Variants in PDE10A observed in about 807,000 individuals in gnomAD.
The protein encoded by PDE10A is cAMP and cAMP-inhibited cGMP 3',5'-cyclic phosphodiesterase 10A.
In PDE10A, 39 loss-of-function variants were observed where a neutral mutation model predicts 97.7. The ratio of observed to expected loss-of-function variants is 0.40; its 90% CI spans 0.31 to 0.52. The LOEUF is 0.52. Ranked by LOEUF, PDE10A falls within the 20% of genes least tolerant of loss-of-function variation. The probability of loss-of-function intolerance (pLI) is 0.56; values close to 1 mark genes in which losing one functional copy is unlikely to be tolerated. For synonymous variants in PDE10A, 371 were observed against 376.8 expected (o/e 0.98, Z 0.18); for missense variants, 731 against 1,047.8 (o/e 0.70, Z 4.17).
At chr6:165,436,204 T>C (rs901268097) in intron 5 of PDE10A, among the ~76,000 whole-genome samples, 1 of 152,200 alleles carries the variant, frequency 6.6e-6, no homozygotes, top group Admixed American at 6.5e-5. Context: ...ATTTTTATCT[T>C]ATGTTGGATT....
chr6:165,788,477 C>T (rs2128463033), intron 1 of PDE10A, among the ~76,000 whole-genome samples: 1 of 123,646 alleles, frequency 8.1e-6, no homozygotes, highest in Middle Eastern at 6.8e-3. Flanking sequence ...GAGATCACAC[C>T]ATTGCACTCC....
intron 1 of PDE10A, among the ~76,000 whole-genome samples, chr6:165,902,579 C>T (rs12203000): frequency 0.034 from 5,096 of 152,008 alleles, 118 homozygotes; most frequent in Non-Finnish European, 0.052. Context: ...GAATAGTTAT[C>T]TGTGGCAGCA....
intron 10 of PDE10A, among the ~76,000 whole-genome samples, chr6:165,422,910 C>T (rs1788824073): frequency 1.3e-5 from 2 of 151,746 alleles, no homozygotes; most frequent in South Asian, 4.2e-4. Flanking sequence ...ATATCTAAAA[C>T]TATGTAAGGG....
At chr6:165,708,885 C>T (rs796952620) in intron 1 of PDE10A, among the ~76,000 whole-genome samples, 18 of 32,292 alleles carry the variant, frequency 5.6e-4, no homozygotes, top group South Asian at 4.0e-3. Context: ...CACTCTCCAC[C>T]GCCATGCTGC....
chr6:165,750,198 A>G (rs73030241), intron 1 of PDE10A, among the ~76,000 whole-genome samples: 7,385 of 152,280 alleles, frequency 0.048, 287 homozygotes, highest in South Asian at 0.18. Flanking sequence ...GAAAGGAGTG[A>G]AGGGTGGGAG....
chr6:165,578,060 T>A (rs1222982617), intron 1 of PDE10A, among the ~76,000 whole-genome samples: 6 of 152,142 alleles, frequency 3.9e-5, no homozygotes, highest in Middle Eastern at 3.4e-3. Context: ...GACCTTGAGC[T>A]CAGTACAAGC....
chr6:165,846,591 C>G (rs1780426002), intron 1 of PDE10A, among the ~76,000 whole-genome samples: 1 of 152,352 alleles, frequency 6.6e-6, no homozygotes, highest in African/African-American at 2.4e-5. Flanking sequence ...AGTCCACAAG[C>G]CTTTGCTGAA....
At chr6:165,910,200 G>A (rs974253490) in intron 1 of PDE10A, among the ~76,000 whole-genome samples, 1 of 152,202 alleles carries the variant, frequency 6.6e-6, no homozygotes, top group African/African-American at 2.4e-5. Context: ...GAGACATAGA[G>A]ATGGGGCCGA....
At chr6:165,446,280 A>AT (rs1479163648) in intron 5 of PDE10A, among the ~76,000 whole-genome samples, 1 of 152,218 alleles carries the variant, frequency 6.6e-6, no homozygotes, top group Non-Finnish European at 1.5e-5. Context: ...GCTAAGGGAA[A>AT]TTCTAGAGAA....
At chr6:165,839,977 C>G (rs1780205020) in intron 1 of PDE10A, among the ~76,000 whole-genome samples, 4 of 143,702 alleles carry the variant, frequency 2.8e-5, no homozygotes, top group African/African-American at 5.2e-5. Flanking sequence ...GTCTTCATCC[C>G]CATCCCCATC....
At chr6:165,599,291 G>A (rs1216964239) in intron 1 of PDE10A, among the ~76,000 whole-genome samples, 1 of 152,130 alleles carries the variant, frequency 6.6e-6, no homozygotes, top group African/African-American at 2.4e-5. Flanking sequence ...CCTTTATAAG[G>A]CAAACAAACC....
chr6:165,888,309 T>C (rs996429325), intron 1 of PDE10A, among the ~76,000 whole-genome samples: 2 of 151,670 alleles, frequency 1.3e-5, no homozygotes, highest in Admixed American at 1.3e-4. Flanking sequence ...TTTTTTTTAA[T>C]GGAGTCTCGC....
intron 1 of PDE10A, among the ~76,000 whole-genome samples, chr6:165,713,072 A>T (rs1034564904): frequency 6.6e-6 from 1 of 152,212 alleles, no homozygotes. Flanking sequence ...GGCCTTGGTC[A>T]TTACAAAGAG....
intron 1 of PDE10A, among the ~76,000 whole-genome samples, chr6:165,877,842 A>G (rs1583223509): frequency 2.0e-5 from 3 of 152,290 alleles, no homozygotes; most frequent in Admixed American, 2.0e-4. Flanking sequence ...TGCACCAAAC[A>G]ACCCTCTGAG....
chr6:165,614,828 G>C (rs1787651598), intron 1 of PDE10A, among the ~76,000 whole-genome samples: 2 of 151,656 alleles, frequency 1.3e-5, no homozygotes, highest in African/African-American at 2.4e-5. Flanking sequence ...GGAATGCTGA[G>C]TGTAGGAGGC....
At chr6:165,964,065 C>T (rs1375190669) in intron 1 of PDE10A, among the ~76,000 whole-genome samples, 2 of 152,256 alleles carry the variant, frequency 1.3e-5, no homozygotes, top group African/African-American at 4.8e-5. Context: ...AGGTTTCTCT[C>T]AGCTCTCTCA....
intron 1 of PDE10A, among the ~76,000 whole-genome samples, chr6:165,735,306 A>C (rs1483164437): frequency 3.4e-5 from 5 of 149,010 alleles, no homozygotes; most frequent in African/African-American, 7.5e-5. Context: ...AGGTTGGTAG[A>C]TAGATAGGTA....
At chr6:165,376,560 T>C (rs1274582889) in intron 18 of PDE10A, among the ~76,000 whole-genome samples, 1 of 152,168 alleles carries the variant, frequency 6.6e-6, no homozygotes, top group Non-Finnish European at 1.5e-5. Context: ...GCAGAGAAAT[T>C]TTCTGTGAAA....
At chr6:165,536,445 G>A (rs747352809) in intron 2 of PDE10A, among the ~76,000 whole-genome samples, 9 of 151,810 alleles carry the variant, frequency 5.9e-5, no homozygotes, top group Non-Finnish European at 1.2e-4. Context: ...GGCAACCAAA[G>A]CAAAAACTGA....
Sources: allele counts gnomAD v4.1 joint callset (sites outside exome capture counted in the v4.1 genomes callset), GRCh38; gene constraint gnomAD v4.1.1; transcripts MANE v1.5; gene names NCBI Gene and HGNC (gene_info 2026-07-23, HGNC 2026-07-21).